The following ZMAT3 variants were observed in gnomAD, a reference collection of about 807,000 sequenced individuals.
ZMAT3 encodes the protein zinc finger matrin-type protein 3.
A neutral mutation model predicts 32.3 loss-of-function variants in ZMAT3; 17 were observed. The observed-to-expected ratio is 0.53, with a 90% CI of 0.36 to 0.79. The LOEUF (loss-of-function observed/expected upper bound fraction) is 0.79, where lower values mean the gene tolerates loss of function less well. Ranked by LOEUF, ZMAT3 falls within the 30% of genes least tolerant of loss-of-function variation. The pLI is 0.00. For synonymous variants in ZMAT3, 120 were observed against 133.1 expected, an observed-to-expected ratio of 0.90 and a Z score of 0.68; for missense variants, 329 against 359.7, an observed-to-expected ratio of 0.91 and a Z score of 0.69.
intron 2 of ZMAT3, among the ~76,000 whole-genome samples, chr3:179,054,430 C>A (rs1039084979): frequency 3.3e-5 from 5 of 152,018 alleles, no homozygotes; most frequent in Non-Finnish European, 7.4e-5. Context: ...TTCTTAATAT[C>A]CTATAAAACA....
chr3:179,040,272 T>G (rs1312459614), intron 2 of ZMAT3, among the ~76,000 whole-genome samples: 1 of 151,946 alleles, frequency 6.6e-6, no homozygotes, highest in Non-Finnish European at 1.5e-5. Flanking sequence ...CCCCAAGACA[T>G]GTAATTGTCA....
rs144819849 is a variant in ZMAT3, at chr3:179,029,175, G to T, written c.391-1363C>A. 2.1e-3 allele frequency among the ~76,000 whole-genome samples: 312 copies of T among 148,586 alleles called. 4 individuals carry two copies. Among genetic ancestry groups the T allele is most frequent in the African/African-American group, 7.2e-3 (291 of 40,566 alleles). On this transcript the variant is annotated intron_variant, in intron 3 of 5. Coordinates refer to ENST00000311417, the MANE Select transcript of ZMAT3 (RefSeq NM_022470.4). The stretch of plus-strand genomic sequence containing the variant: ...ACTCCATCTCAAAAAAAAAAAAAAA[G>T]AAAGAAATTCTTGCTCCACCACTTT...
intron 2 of ZMAT3, among the ~76,000 whole-genome samples, chr3:179,035,124 G>A (rs763245752): frequency 4.6e-5 from 7 of 151,136 alleles, no homozygotes; most frequent in Non-Finnish European, 5.9e-5. Flanking sequence ...ACTTAAAATT[G>A]ACAAATCTTA....
intron 2 of ZMAT3, among the ~76,000 whole-genome samples, chr3:179,050,172 T>C (rs947145782): frequency 6.6e-6 from 1 of 151,334 alleles, no homozygotes; most frequent in Non-Finnish European, 1.5e-5. Context: ...TACAAAAGAT[T>C]AAGTGAAACA....
intron 3 of ZMAT3, 54 bp from the exon 4 acceptor site, chr3:179,027,866 CCTT>C: frequency 6.5e-7 from 1 of 1,540,252 alleles, no homozygotes; most frequent in Non-Finnish European, 8.7e-7. Flanking sequence ...AGAGTTTCCT[CCTT>C]CTCCTCAAAG....
At chr3:179,061,981 A>G (rs1271326593) in intron 2 of ZMAT3, among the ~76,000 whole-genome samples, 2 of 152,210 alleles carry the variant, frequency 1.3e-5, no homozygotes, top group Non-Finnish European at 2.9e-5. Context: ...GGAGTCAGAA[A>G]GGAGAAGAGA....
chr3:179,045,425 A>G (rs1720180849), intron 2 of ZMAT3, among the ~76,000 whole-genome samples: 2 of 152,232 alleles, frequency 1.3e-5, no homozygotes, highest in Admixed American at 1.3e-4. Flanking sequence ...TAGATTATTC[A>G]TACAGAGGAA....
intron 2 of ZMAT3, among the ~76,000 whole-genome samples, chr3:179,067,186 T>C (rs1721459397): frequency 6.6e-6 from 1 of 152,232 alleles, no homozygotes; most frequent in African/African-American, 2.4e-5. Flanking sequence ...ATACTTGTTC[T>C]TCTTAAGACT....
At position 179,021,502 on chromosome 3, in the gene ZMAT3, G is replaced by A. The variant is rs1718538927; in HGVS notation, c.*3515C>T. 6.6e-6 allele frequency: 1 copy of A among 152,150 alleles called. No homozygotes were observed. The highest frequency in any genetic ancestry group is 1.5e-5 in the Non-Finnish European group (1 of 68,020). The allele number at this position is 152,150 out of a possible 1,614,324, so 9.4% of individuals were successfully genotyped here. The stretch of plus-strand genomic sequence containing the variant: ...TTATTCACAGAGAAAAGAGACTGAT[G>A]CTATGAGTTCCTATGGATGATTACC... On this transcript the variant is annotated 3_prime_UTR_variant, in exon 6 of 6. Transcript: ENST00000311417.
At chr3:179,038,051 T>C (rs781003779) in intron 2 of ZMAT3, among the ~76,000 whole-genome samples, 2 of 151,546 alleles carry the variant, frequency 1.3e-5, no homozygotes, top group Non-Finnish European at 2.9e-5. Context: ...GAGAGTGGGG[T>C]GGGCCGACAA....
intron 2 of ZMAT3, among the ~76,000 whole-genome samples, chr3:179,066,342 T>A (rs986946048): frequency 3.9e-5 from 6 of 152,122 alleles, no homozygotes; most frequent in African/African-American, 1.4e-4. Flanking sequence ...CAAAACCACA[T>A]AATGGGAACT....
chr3:179,066,036 T>C (rs987310534), intron 2 of ZMAT3, among the ~76,000 whole-genome samples: 3 of 152,362 alleles, frequency 2.0e-5, no homozygotes, highest in Non-Finnish European at 4.4e-5. Context: ...GCTTCTTTTT[T>C]CAAAGTGAGT....
chr3:179,047,772 T>A (rs1720322809), intron 2 of ZMAT3, among the ~76,000 whole-genome samples: 1 of 151,432 alleles, frequency 6.6e-6, no homozygotes, highest in African/African-American at 2.4e-5. Context: ...AGCAGGAGAA[T>A]CACTTCAGTC....
At chr3:179,044,852 G>A (rs1480157474) in intron 2 of ZMAT3, among the ~76,000 whole-genome samples, 2 of 151,882 alleles carry the variant, frequency 1.3e-5, no homozygotes, top group Non-Finnish European at 2.9e-5. Flanking sequence ...GACACAGGGC[G>A]GGGAACATCA....
At chr3:179,044,053 C>A (rs1173110861) in intron 2 of ZMAT3, among the ~76,000 whole-genome samples, 1 of 152,116 alleles carries the variant, frequency 6.6e-6, no homozygotes, top group African/African-American at 2.4e-5. Flanking sequence ...GAATGGCAAT[C>A]ATTAAAAAGT....
intron 2 of ZMAT3, among the ~76,000 whole-genome samples, chr3:179,063,495 T>C (rs780957937): frequency 7.2e-5 from 11 of 152,246 alleles, no homozygotes; most frequent in Non-Finnish European, 1.5e-4. Flanking sequence ...GCCATGTTTA[T>C]GACAAATTTT....
chr3:179,056,888 G>A (rs937245368), intron 2 of ZMAT3, among the ~76,000 whole-genome samples: 1 of 152,208 alleles, frequency 6.6e-6, no homozygotes, highest in Non-Finnish European at 1.5e-5. Context: ...TTGTTAGGGA[G>A]AGACATTCTA....
intron 2 of ZMAT3, among the ~76,000 whole-genome samples, chr3:179,032,901 G>T (rs1273732060): frequency 6.6e-6 from 1 of 150,590 alleles, no homozygotes; most frequent in Non-Finnish European, 1.5e-5. Context: ...TACACCGTCT[G>T]GGAGGTGGGG....
intron 2 of ZMAT3, among the ~76,000 whole-genome samples, chr3:179,041,677 G>C (rs1178365458): frequency 2.0e-5 from 3 of 152,134 alleles, no homozygotes; most frequent in Non-Finnish European, 4.4e-5. Context: ...AAAAGAACTA[G>C]AGAAGTAAGA....
Sources: gnomAD v4.1 joint callset for allele counts (sites outside exome capture counted in the v4.1 genomes callset) on GRCh38, gnomAD v4.1.1 for gene constraint, MANE v1.5 for transcripts, NCBI Gene and HGNC (gene_info 2026-07-23, HGNC 2026-07-21) for gene names.